HPGDS: variants seen among roughly 807,000 people sequenced by gnomAD.
HPGDS encodes the protein hematopoietic prostaglandin D synthase.
In HPGDS, 26 loss-of-function variants were observed where a neutral mutation model predicts 23.1. The ratio of observed to expected loss-of-function variants is 1.13; its 90% CI spans 0.83 to 1.56. The LOEUF (loss-of-function observed/expected upper bound fraction) is 1.56. Ranked by LOEUF, HPGDS falls within the 40% of genes most tolerant of loss-of-function variation. The pLI is 0.00. For missense variants in HPGDS, 268 were observed against 236.4 expected (o/e 1.13, Z -0.88); for synonymous variants, 95 against 77.9 (o/e 1.22, Z -1.16).
intron 2 of HPGDS, 79 bp downstream of exon 2, chr4:94,334,418 T>C: frequency 7.8e-7 from 1 of 1,274,674 alleles, no homozygotes; most frequent in Non-Finnish European, 1.1e-6. Flanking sequence ...AAAACCTTGA[T>C]TTTTTTTTCA....
At chr4:94,331,059 T>A (rs1756726959) in intron 2 of HPGDS, among the ~76,000 whole-genome samples, 1 of 152,192 alleles carries the variant, frequency 6.6e-6, no homozygotes, top group Non-Finnish European at 1.5e-5. Flanking sequence ...GAGTTTGCCT[T>A]ATTTGAACAC....
Position 94,299,356 on chromosome 4 carries a change from A to G in HPGDS, c.*124T>C. 1.3e-6 allele frequency: 1 copy of G among 792,968 alleles called. No homozygotes were observed. Among genetic ancestry groups the G allele is most frequent in the South Asian group, 3.1e-5 (1 of 32,580 alleles). The allele number at this position is 792,968 out of a possible 1,614,324, so 49.1% of individuals were successfully genotyped here. ...CCTTTTTAAAAATCAGAATATGGCT[A>G]AAGTGAAAATCTTAGTGGAGCTGGG... On this transcript the variant is annotated 3_prime_UTR_variant, in exon 6 of 6. Transcript: ENST00000295256.
intron 3 of HPGDS, among the ~76,000 whole-genome samples, chr4:94,316,637 C>A (rs775168499): frequency 1.3e-5 from 2 of 152,244 alleles, no homozygotes; most frequent in Non-Finnish European, 2.9e-5. Flanking sequence ...TAATTCTCTT[C>A]CACCTGCAAA....
At chr4:94,311,256 T>A (rs1223653101) in intron 3 of HPGDS, among the ~76,000 whole-genome samples, 2 of 151,906 alleles carry the variant, frequency 1.3e-5, no homozygotes, top group Non-Finnish European at 2.9e-5. Context: ...CCATTCAGTA[T>A]GATATTGGCT....
chr4:94,318,305 A>G (rs764038207), intron 2 of HPGDS, among the ~76,000 whole-genome samples: 1 of 152,198 alleles, frequency 6.6e-6, no homozygotes, highest in Non-Finnish European at 1.5e-5. Flanking sequence ...GCAGATTATT[A>G]AAATCGTAGT....
intron 2 of HPGDS, among the ~76,000 whole-genome samples, chr4:94,325,223 G>T (rs977707578): frequency 2.4e-4 from 36 of 152,186 alleles, no homozygotes; most frequent in African/African-American, 8.4e-4. Context: ...TCCCAGTTAG[G>T]CTACTCGGGG....
intron 2 of HPGDS, among the ~76,000 whole-genome samples, chr4:94,318,465 A>T (rs1230926506): frequency 6.6e-6 from 1 of 152,170 alleles, no homozygotes; most frequent in Admixed American, 6.5e-5. Flanking sequence ...TTTATTTCTT[A>T]TTTAATTTCT....
intron 3 of HPGDS, among the ~76,000 whole-genome samples, chr4:94,309,050 CTTTTTTTT>C (rs34427506): frequency 9.7e-4 from 30 of 31,026 alleles, no homozygotes; most frequent in African/African-American, 3.0e-3. Context: ...GGTGTACTTG[CTTTTTTTT>C]TTTTTTTTTT....
At chr4:94,334,998 G>A (rs886890532) in intron 1 of HPGDS, among the ~76,000 whole-genome samples, 1 of 152,212 alleles carries the variant, frequency 6.6e-6, no homozygotes, top group Non-Finnish European at 1.5e-5. Flanking sequence ...CACTGGTAAT[G>A]TGTAATATTT....
intron 4 of HPGDS, among the ~76,000 whole-genome samples, chr4:94,302,449 TA>T (rs1413737718): frequency 6.6e-6 from 1 of 152,060 alleles, no homozygotes; most frequent in Non-Finnish European, 1.5e-5. Flanking sequence ...GCTCATGGAT[TA>T]AAAAAATAGT....
chr4:94,307,765 G>C (rs1250320575), intron 4 of HPGDS, among the ~76,000 whole-genome samples: 1 of 152,114 alleles, frequency 6.6e-6, no homozygotes, highest in African/African-American at 2.4e-5. Context: ...AGCAGTAAAA[G>C]TGAAAAGAAG....
chr4:94,331,813 T>C (rs565390612), intron 2 of HPGDS, among the ~76,000 whole-genome samples: 1 of 152,212 alleles, frequency 6.6e-6, no homozygotes, highest in South Asian at 2.1e-4. Context: ...CGAGAAGGGA[T>C]ATGGTGGTCA....
At chr4:94,315,159 CT>C (rs1756369953) in intron 3 of HPGDS, among the ~76,000 whole-genome samples, 1 of 137,730 alleles carries the variant, frequency 7.3e-6, no homozygotes, top group Admixed American at 7.8e-5. Flanking sequence ...CACCTACTGT[CT>C]GACAATCCCC....
chr4:94,333,122 C>G (rs1384150358), intron 2 of HPGDS, among the ~76,000 whole-genome samples: 2 of 152,116 alleles, frequency 1.3e-5, no homozygotes, highest in Non-Finnish European at 2.9e-5. Flanking sequence ...GAGGGAGTGT[C>G]GTAGCAGGTT....
chr4:94,330,963 C>T (rs1756725133), intron 2 of HPGDS, among the ~76,000 whole-genome samples: 1 of 152,074 alleles, frequency 6.6e-6, no homozygotes, highest in South Asian at 2.1e-4. Context: ...GCCTCATGAT[C>T]AGAACAAATT....
intron 1 of HPGDS, among the ~76,000 whole-genome samples, chr4:94,336,861 C>T (rs79474435): frequency 0.048 from 7,317 of 152,156 alleles, 565 homozygotes; most frequent in African/African-American, 0.17. Context: ...AATTCCTGGA[C>T]GTATTTGTTT....
At chr4:94,331,116 G>C (rs1229013044) in intron 2 of HPGDS, among the ~76,000 whole-genome samples, 1 of 152,140 alleles carries the variant, frequency 6.6e-6, no homozygotes, top group African/African-American at 2.4e-5. Context: ...GTGGCTGCTG[G>C]GATTGGCCAA....
At chr4:94,323,786 G>T (rs1215445337) in intron 2 of HPGDS, among the ~76,000 whole-genome samples, 1 of 152,120 alleles carries the variant, frequency 6.6e-6, no homozygotes, top group East Asian at 1.9e-4. Context: ...ATTGTTATGT[G>T]TGAATTTGAT....
intron 3 of HPGDS, among the ~76,000 whole-genome samples, chr4:94,309,050 C>CTTTTTTTT (rs34427506): frequency 2.6e-4 from 8 of 31,030 alleles, no homozygotes; most frequent in Non-Finnish European, 4.1e-4. Context: ...GGTGTACTTG[C>CTTTTTTTT]TTTTTTTTTT....
Sources: gnomAD v4.1 joint callset for allele counts (sites outside exome capture counted in the v4.1 genomes callset) on GRCh38, gnomAD v4.1.1 for gene constraint, MANE v1.5 for transcripts, NCBI Gene and HGNC (gene_info 2026-07-23, HGNC 2026-07-21) for gene names.